ZNF438: variants seen among roughly 807,000 people sequenced by gnomAD.
ZNF438 encodes zinc finger protein 438.
In ZNF438, 25 loss-of-function variants were observed where a neutral mutation model predicts 38.0. The ratio of observed to expected loss-of-function variants is 0.66; its 90% CI spans 0.48 to 0.92. The LOEUF (loss-of-function observed/expected upper bound fraction) is 0.92, where lower values mean the gene tolerates loss of function less well. Among genes scored for constraint, ZNF438 ranks in the 40% least tolerant of loss-of-function variants. ZNF438 has a pLI of 0.00. For missense variants in ZNF438, 1,007 were observed against 999.6 expected (o/e 1.01, Z -0.10); for synonymous variants, 372 against 364.1 (o/e 1.02, Z -0.25).
intron 3 of ZNF438, among the ~76,000 whole-genome samples, chr10:30,880,818 C>A (rs1400762185): frequency 1.3e-5 from 2 of 152,034 alleles, no homozygotes; most frequent in Admixed American, 1.3e-4. Context: ...TCCAGGAATA[C>A]ACAACTGGTT....
chr10:30,929,068 C>T (rs2045307299), intron 2 of ZNF438, among the ~76,000 whole-genome samples: 4 of 152,158 alleles, frequency 2.6e-5, no homozygotes, highest in Non-Finnish European at 4.4e-5. Flanking sequence ...GTTTCTATTT[C>T]CTTTGTTTTA....
At chr10:30,903,817 T>G (rs1166976990) in intron 3 of ZNF438, among the ~76,000 whole-genome samples, 1 of 152,196 alleles carries the variant, frequency 6.6e-6, no homozygotes, top group Non-Finnish European at 1.5e-5. Context: ...TGTATTTTTG[T>G]TTTTTAATGA....
chr10:30,929,842 T>A (rs1423950263), intron 2 of ZNF438, among the ~76,000 whole-genome samples: 1 of 152,102 alleles, frequency 6.6e-6, no homozygotes, highest in Non-Finnish European at 1.5e-5. Context: ...GATCACTGAT[T>A]GGTGCATTTA....
chr10:30,951,783 A>T (rs1425628084), intron 1 of ZNF438, among the ~76,000 whole-genome samples: 3 of 149,406 alleles, frequency 2.0e-5, no homozygotes, highest in Non-Finnish European at 4.5e-5. Context: ...TTCCATGCTC[A>T]TGTGTAGGAA....
chr10:30,886,620 T>C lies in ZNF438; in HGVS notation c.-31-9555A>G, dbSNP rs577255288. On this transcript the variant is annotated intron_variant, in intron 3 of 5. Coordinates refer to ENST00000413025, the Ensembl canonical transcript of ZNF438. The stretch of plus-strand genomic sequence containing the variant: ...ATCTAACACAAAGCCTGTTTTATAA[T>C]AAAGTGTTGAATATCTCATGTAATT... 2.5e-3 allele frequency among the ~76,000 whole-genome samples: 375 copies of C among 152,326 alleles called. 1 individual carries two copies. The highest frequency in any genetic ancestry group is 8.5e-3 in the African/African-American group (352 of 41,574).
chr10:30,979,838 T>C (rs2051900635), intron 1 of ZNF438, among the ~76,000 whole-genome samples: 1 of 152,234 alleles, frequency 6.6e-6, no homozygotes, highest in Non-Finnish European at 1.5e-5. Flanking sequence ...GCTATGACTT[T>C]CTGTAGATCT....
At chr10:30,886,114 A>T (rs2039918334) in intron 3 of ZNF438, among the ~76,000 whole-genome samples, 1 of 152,226 alleles carries the variant, frequency 6.6e-6, no homozygotes, top group Admixed American at 6.5e-5. Context: ...AGCTGAGTGA[A>T]GCCTTTTATT....
At chr10:30,900,692 G>T (rs1033035645) in intron 3 of ZNF438, among the ~76,000 whole-genome samples, 1 of 152,142 alleles carries the variant, frequency 6.6e-6, no homozygotes, top group Non-Finnish European at 1.5e-5. Context: ...TGGAGCTGAG[G>T]TTTGAAGACA....
At chr10:30,953,156 A>G (rs568961123) in intron 1 of ZNF438, among the ~76,000 whole-genome samples, 3 of 145,130 alleles carry the variant, frequency 2.1e-5, no homozygotes, top group East Asian at 4.0e-4. Context: ...GCAAGAACAA[A>G]AAACCAAACA....
chr10:31,014,749 C>T (rs886624443), intron 1 of ZNF438, among the ~76,000 whole-genome samples: 2 of 152,032 alleles, frequency 1.3e-5, no homozygotes, highest in African/African-American at 4.8e-5. Context: ...TTGTAAGGAT[C>T]AAATAAGATA....
rs148583159 is a variant in ZNF438 at position 30,845,284 on chromosome 10, C to T, written c.2164G>A (p.Ala722Thr). Residue 722 changes from alanine to threonine, a missense_variant, in exon 6 of 6, where the codon GCA (alanine) becomes ACA (threonine). Coordinates refer to ENST00000413025, the Ensembl canonical transcript of ZNF438. ...AGCTGCCTTTTCAGTCTTGGACATG[C>T]ATGTGATTCCTCGGAGGAGGAATGA... 55 of 1,613,976 alleles carry T rather than the reference C, an allele frequency of 3.4e-5. No individual in the cohort carries two copies. Among genetic ancestry groups the T allele is most frequent in the Non-Finnish European group, 4.7e-5 (55 of 1,180,014 alleles).
intron 1 of ZNF438, among the ~76,000 whole-genome samples, chr10:30,979,299 G>A (rs181558798): frequency 8.5e-5 from 13 of 152,290 alleles, no homozygotes; most frequent in African/African-American, 2.6e-4. Flanking sequence ...CATGCTCATG[G>A]ATAGGAAGAA....
intron 4 of ZNF438, among the ~76,000 whole-genome samples, chr10:30,862,871 T>G (rs551451335): frequency 6.6e-6 from 1 of 152,340 alleles, no homozygotes; most frequent in South Asian, 2.1e-4. Flanking sequence ...ATTACAAAGA[T>G]ATCGCTTTTA....
intron 4 of ZNF438, among the ~76,000 whole-genome samples, chr10:30,864,116 A>G (rs2036035266): frequency 6.6e-6 from 1 of 152,102 alleles, no homozygotes; most frequent in Admixed American, 6.5e-5. Flanking sequence ...TTATGTGGGA[A>G]CTCATTCACT....
intron 3 of ZNF438, among the ~76,000 whole-genome samples, chr10:30,894,245 T>C (rs1267121952): frequency 6.6e-6 from 1 of 152,222 alleles, no homozygotes; most frequent in African/African-American, 2.4e-5. Context: ...AGGGAAAATA[T>C]CTCAGTAGCT....
chr10:30,981,838 A>C (rs1040234607), intron 1 of ZNF438, among the ~76,000 whole-genome samples: 2 of 151,328 alleles, frequency 1.3e-5, no homozygotes, highest in African/African-American at 4.9e-5. Context: ...AGATTGTGCC[A>C]TTGCACGCCA....
chr10:30,847,270 C>A (rs1381064313), intron 5 of ZNF438, among the ~76,000 whole-genome samples: 1 of 152,192 alleles, frequency 6.6e-6, no homozygotes, highest in African/African-American at 2.4e-5. Context: ...GGACCAACTG[C>A]ACGCATTTCC....
rs888059894 is a variant in ZNF438 at position 30,871,326 on chromosome 10, TA to T, written c.37+5671del. On this transcript the variant is annotated intron_variant, in intron 4 of 5. Coordinates refer to ENST00000413025, the Ensembl canonical transcript of ZNF438. ...AATTCCATCCACTTTGGTGTTTCATTAAAAAAAAAGATGACAATATTTTCAC... is the reference window on the plus strand; with the variant it reads ...AATTCCATCCACTTTGGTGTTTCATTAAAAAAAAGATGACAATATTTTCAC... Among the ~76,000 whole-genome samples, 64 of 150,850 alleles carry T rather than the reference TA, an allele frequency of 4.2e-4. 1 individual carries two copies. In the South Asian group the frequency reaches 0.011, roughly 26 times the overall value.
intron 4 of ZNF438, among the ~76,000 whole-genome samples, chr10:30,872,521 C>A (rs554169865): frequency 1.4e-5 from 2 of 144,090 alleles, no homozygotes; most frequent in East Asian, 2.1e-4. Flanking sequence ...GAGGCCGAGG[C>A]GGACAGATCA....
Sources: allele counts gnomAD v4.1 joint callset (sites outside exome capture counted in the v4.1 genomes callset), GRCh38; gene constraint gnomAD v4.1.1; transcripts MANE v1.5; gene names NCBI Gene and HGNC (gene_info 2026-07-23, HGNC 2026-07-21).